ZNF285: variants seen among roughly 807,000 people sequenced by gnomAD.
The protein encoded by ZNF285 is zinc finger protein 285.
A neutral mutation model predicts 6.2 loss-of-function variants in ZNF285; 4 were observed. The observed-to-expected ratio is 0.65, with a 90% CI of 0.32 to 1.49. The LOEUF (loss-of-function observed/expected upper bound fraction) is 1.49, where lower values mean the gene tolerates loss of function less well. Ranked by LOEUF, ZNF285 falls within the 40% of genes most tolerant of loss-of-function variation. The pLI, the probability that ZNF285 is intolerant of heterozygous loss-of-function variation, is 0.07. For missense variants in ZNF285, 695 were observed against 708.8 expected, an observed-to-expected ratio of 0.98 and a Z score of 0.22; for synonymous variants, 240 against 245.8, an observed-to-expected ratio of 0.98 and a Z score of 0.22.
intron 1 of ZNF285, 130 bp downstream of exon 1, chr19:44,401,438 T>C: frequency 6.6e-6 from 1 of 152,476 alleles, no homozygotes; most frequent in Non-Finnish European, 1.5e-5. Context: ...CTACGAGGCC[T>C]TATCATTGGT....
At position 44,387,034 on chromosome 19, in the gene ZNF285, T is replaced by A; in HGVS notation, c.1211A>T (p.Glu404Val). 1.2e-6 allele frequency: 2 copies of A among 1,614,098 alleles called. No homozygotes were observed. Among genetic ancestry groups the A allele is most frequent in the Non-Finnish European group, 1.7e-6 (2 of 1,180,014 alleles). ...HTGEKPYKCS[E>V]CGKCFSSSSV... Reference sequence around the variant, plus strand: ...GCTTGAACTAAAGCACTTGCCACACTCACTGCATTTGTAGGGCTTCTCTCC... The same window carrying A: ...GCTTGAACTAAAGCACTTGCCACACACACTGCATTTGTAGGGCTTCTCTCC... Residue 404 changes from glutamate to valine, a missense_variant, in exon 4 of 4, where the codon GAG becomes GTG. Physicochemically the swap from Glu to Val is moderately radical, Grantham distance 121. Transcript: ENST00000614994.
rs149293249 is a variant in ZNF285 at position 44,387,774 on chromosome 19, G to A, written c.471C>T (p.Thr157=). ...ATCTTCCCTGAGAGTTCTGGGGCTC[G>A]GTCATTATGTTGGCTTTCCTCCACG... ...PESWRKANIM[T]EPQNSQGRYK... Residue 157 remains threonine, a synonymous_variant, in exon 4 of 4, where the codon ACC becomes ACT. Coordinates refer to ENST00000614994, the MANE Select transcript of ZNF285 (RefSeq NM_152354.6). 9.1e-4 allele frequency: 1,463 copies of A among 1,613,800 alleles called. 11 individuals carry two copies. The African/African-American group carries it at 0.017, about 18-fold the overall frequency.
intron 3 of ZNF285, among the ~76,000 whole-genome samples, chr19:44,390,424 T>G (rs1319608711): frequency 6.6e-6 from 1 of 152,146 alleles, no homozygotes; most frequent in African/African-American, 2.4e-5. Context: ...ATGGGGCCTG[T>G]AGCCCCTTTG....
intron 3 of ZNF285, among the ~76,000 whole-genome samples, chr19:44,391,096 G>A (rs1005467663): frequency 2.0e-5 from 3 of 151,348 alleles, no homozygotes; most frequent in African/African-American, 7.3e-5. Flanking sequence ...GGAGGTTGCA[G>A]TGAGCCAAGA....
In ZNF285 at chr19:44,388,114, A is replaced by T; in HGVS notation, c.143-12T>A. ...TTTAATCCCGTCTCCTAGGAGAAGA[A>T]AGAGAATTTGGCTAAGAGAACAAGT... On this transcript the variant is annotated splice_polypyrimidine_tract_variant and intron_variant, in intron 3 of 3. Transcript: ENST00000614994. 1 of 1,604,236 alleles carries T rather than the reference A, an allele frequency of 6.2e-7. No individual in the cohort carries two copies. Among genetic ancestry groups the T allele is most frequent in the South Asian group, 1.1e-5 (1 of 89,704 alleles).
intron 3 of ZNF285, among the ~76,000 whole-genome samples, chr19:44,388,363 C>G (rs1405101561): frequency 6.7e-6 from 1 of 150,192 alleles, no homozygotes; most frequent in East Asian, 2.0e-4. Context: ...GAGGATCACT[C>G]AAGCCCAGGA....
chr19:44,386,619 A>G lies in ZNF285; in HGVS notation c.1626T>C (p.Cys542=), dbSNP rs1364090250. 1.2e-6 allele frequency: 2 copies of G among 1,614,168 alleles called. No individual in the cohort carries two copies. Among genetic ancestry groups the G allele is most frequent in the Non-Finnish European group, 1.7e-6 (2 of 1,180,022 alleles). ...GACTGAAGCCCTTACCACATGCCTT[A>G]CACTTATAGGGCCTCTCTCCTGTGT... The part of the protein sequence containing the change: ...RVHTGERPYK[C]KACGKGFSRN... The change falls in exon 4 of 4, where the codon TGT becomes TGC. Residue 542 remains cysteine, a synonymous_variant. Transcript: ENST00000614994.
intron 3 of ZNF285, among the ~76,000 whole-genome samples, chr19:44,391,253 C>G (rs991391128): frequency 6.6e-6 from 1 of 152,086 alleles, no homozygotes; most frequent in Non-Finnish European, 1.5e-5. Context: ...GAGGCCTCCC[C>G]AGGCACGTGG....
intron 3 of ZNF285, 102 bp downstream of exon 3, chr19:44,392,238 A>G: frequency 6.4e-7 from 1 of 1,558,702 alleles, no homozygotes; most frequent in Non-Finnish European, 8.6e-7. Flanking sequence ...TTTTCTTTCC[A>G]GTGGCCAAAG....
At chr19:44,388,495 C>T (rs574874223) in intron 3 of ZNF285, among the ~76,000 whole-genome samples, 1 of 151,934 alleles carries the variant, frequency 6.6e-6, no homozygotes, top group East Asian at 1.9e-4. Flanking sequence ...TTGCTTAATC[C>T]TGGGAGGCAC....
In ZNF285 at chr19:44,393,320, T is replaced by C. The variant is rs562851111; in HGVS notation, c.16-854A>G. Among the ~76,000 whole-genome samples, 5 of 152,290 alleles carry C rather than the reference T, an allele frequency of 3.3e-5. No homozygotes were observed. In the East Asian group the frequency reaches 9.6e-4, roughly 29 times the overall value. ...AGGTGAAGATTACACATTATGCTATTCTTTCGTTTTCCTGATAAATTGAAA... is the reference window on the plus strand; with the variant it reads ...AGGTGAAGATTACACATTATGCTATCCTTTCGTTTTCCTGATAAATTGAAA... On this transcript the variant is annotated intron_variant, in intron 2 of 3. Coordinates refer to ENST00000614994, the MANE Select transcript of ZNF285 (RefSeq NM_152354.6).
At chr19:44,401,095 C>G (rs534353668) in intron 1 of ZNF285, among the ~76,000 whole-genome samples, 2 of 152,148 alleles carry the variant, frequency 1.3e-5, no homozygotes, top group Admixed American at 1.3e-4. Flanking sequence ...ATCGCCCCCA[C>G]CAAACTGAGC....
At chr19:44,400,962 T>C (rs772331381) in intron 1 of ZNF285, among the ~76,000 whole-genome samples, 5 of 152,060 alleles carry the variant, frequency 3.3e-5, no homozygotes, top group Admixed American at 6.5e-5. Context: ...TGTTTCTTTA[T>C]TGCCAAAAGC....
intron 2 of ZNF285, among the ~76,000 whole-genome samples, chr19:44,395,593 T>C (rs193290473): frequency 6.6e-6 from 1 of 152,314 alleles, no homozygotes; most frequent in Non-Finnish European, 1.5e-5. Flanking sequence ...AATTATTGAT[T>C]ATTTCATTAG....
At chr19:44,396,920 T>C in intron 2 of ZNF285, 2 of 427,042 alleles carry the variant, frequency 4.7e-6, no homozygotes, top group South Asian at 4.5e-5. Flanking sequence ...TCTTGATTCT[T>C]TTTCCCTCAT....
At chr19:44,392,631 T>G (rs767574800) in intron 2 of ZNF285, 165 bp from the exon 3 acceptor site, 2 of 1,337,280 alleles carry the variant, frequency 1.5e-6, no homozygotes, top group Non-Finnish European at 2.1e-6. Flanking sequence ...ACCACCAAGA[T>G]AGGTTTCATT....
At chr19:44,394,519 C>A in intron 2 of ZNF285, 1 of 560,052 alleles carries the variant, frequency 1.8e-6, no homozygotes. Context: ...ACGTAACAAA[C>A]CTGCACATGT....
chr19:44,387,569 G>C lies in ZNF285; in HGVS notation c.676C>G (p.His226Asp), dbSNP rs1489781704. The change falls in exon 4 of 4, where the codon CAT (histidine) becomes GAT (aspartate). Residue 226 changes from histidine to aspartate, a missense_variant. Physicochemically the swap from His to Asp is moderately conservative, Grantham distance 81. Coordinates refer to ENST00000614994, the MANE Select transcript of ZNF285 (RefSeq NM_152354.6). ...CATGGGAAAGGCTGTGGTAATACAT[G>C]GGCCGCATTACGTTTTTCAACCGTT... is the stretch of plus-strand genomic sequence containing the variant. ...KSTVEKRNAA[H>D]VLPQPFPCNN... The C allele has an allele frequency of 1.2e-6, 2 of 1,613,918 alleles. No individual in the cohort carries two copies. The highest frequency in any genetic ancestry group is 3.3e-5 in the Admixed American group (2 of 59,996).
Position 44,386,400 on chromosome 19 carries a change from G to A in ZNF285, c.*72C>T. The A allele has an allele frequency of 6.7e-7, 1 of 1,501,048 alleles. No homozygotes were observed. Among genetic ancestry groups the A allele is most frequent in the Non-Finnish European group, 9.0e-7 (1 of 1,114,882 alleles). 93.0% of individuals were successfully genotyped at this position (1,501,048 alleles called of 1,614,324 possible). The stretch of plus-strand genomic sequence containing the variant: ...TTTTGCTCCCCTAGCCCTCCCACAG[G>A]CTGAGTAAGCCTCTATCATCTGGAA... On this transcript the variant is annotated 3_prime_UTR_variant, in exon 4 of 4. Coordinates refer to ENST00000614994, the MANE Select transcript of ZNF285 (RefSeq NM_152354.6).
Sources: gnomAD v4.1 joint callset for allele counts (sites outside exome capture counted in the v4.1 genomes callset) on GRCh38, gnomAD v4.1.1 for gene constraint, MANE v1.5 for transcripts, NCBI Gene and HGNC (gene_info 2026-07-23, HGNC 2026-07-21) for gene names.